WASF2: variants seen among roughly 807,000 people sequenced by gnomAD.
WASF2 encodes the protein WASP family member 2, also known as actin-binding protein WASF2.
A neutral mutation model predicts 45.0 loss-of-function variants in WASF2; 14 were observed. The ratio of observed to expected loss-of-function variants is 0.31; its 90% CI spans 0.21 to 0.49. The LOEUF (loss-of-function observed/expected upper bound fraction) is 0.49, where lower values mean the gene tolerates loss of function less well. WASF2 is among the 20% of genes least tolerant of loss of function. WASF2 has a pLI of 0.99. For synonymous variants in WASF2, 200 were observed against 236.3 expected (o/e 0.85, Z 1.41); for missense variants, 439 against 636.1 (o/e 0.69, Z 3.33).
intron 1 of WASF2, among the ~76,000 whole-genome samples, chr1:27,462,308 G>A (rs2017556850): frequency 1.3e-5 from 2 of 151,994 alleles, no homozygotes; most frequent in South Asian, 4.2e-4. Context: ...TTGATAATAG[G>A]TTGTAGACAT....
At chr1:27,467,631 C>T (rs972651358) in intron 1 of WASF2, among the ~76,000 whole-genome samples, 18 of 149,758 alleles carry the variant, frequency 1.2e-4, no homozygotes, top group Non-Finnish European at 2.2e-4. Flanking sequence ...AATGAATTTC[C>T]GGGGGGCGCA....
intron 8 of WASF2, among the ~76,000 whole-genome samples, chr1:27,408,679 TC>T: frequency 6.6e-6 from 1 of 152,170 alleles, no homozygotes; most frequent in Non-Finnish European, 1.5e-5. Flanking sequence ...ATAATGGGGC[TC>T]AGCTGCCATA....
Position 27,404,901 on chromosome 1 carries a change from C to A in WASF2, c.*3288G>T, listed in dbSNP as rs996964212. On this transcript the variant is annotated 3_prime_UTR_variant, in exon 9 of 9. Coordinates refer to ENST00000618852, the MANE Select transcript of WASF2 (RefSeq NM_006990.5). ...AGTTGGACCCCAGCAGGGCTCAAAG[C>A]CTGATGCCTCCAGGAAGCCTGACAT... is the stretch of plus-strand genomic sequence containing the variant. The A allele has an allele frequency of 6.6e-6, 1 of 152,392 alleles. No homozygotes were observed. The highest frequency in any genetic ancestry group is 2.1e-4 in the South Asian group (1 of 4,838). The allele number at this position is 152,392 out of a possible 1,614,324, so 9.4% of individuals were successfully genotyped here. A position where few individuals can be genotyped will look rare whatever the true frequency, so the allele number is the denominator to read the frequency against.
intron 1 of WASF2, among the ~76,000 whole-genome samples, chr1:27,462,393 T>G (rs2017557837): frequency 6.6e-6 from 1 of 152,230 alleles, no homozygotes. Flanking sequence ...CATTAGGAAA[T>G]TTAACAATAA....
intron 1 of WASF2, among the ~76,000 whole-genome samples, chr1:27,457,034 G>T (rs9438569): frequency 0.85 from 129,330 of 151,876 alleles, 55,574 homozygotes; most frequent in Admixed American, 0.92. Flanking sequence ...TGAGCCACCG[G>T]GTCCTGCCTG....
chr1:27,481,787 A>G (rs190182787), intron 1 of WASF2, among the ~76,000 whole-genome samples: 48 of 152,318 alleles, frequency 3.2e-4, no homozygotes, highest in Non-Finnish European at 4.3e-4. Flanking sequence ...CTTACAGCTG[A>G]GAGTACATCT....
chr1:27,412,308 G>A (rs2016771887), intron 7 of WASF2, among the ~76,000 whole-genome samples: 1 of 152,158 alleles, frequency 6.6e-6, no homozygotes, highest in South Asian at 2.1e-4. Context: ...CCAGGCTCAA[G>A]CGATCCTCCC....
chr1:27,416,176 C>G, intron 4 of WASF2, 74 bp from the exon 5 acceptor site: 1 of 1,297,508 alleles, frequency 7.7e-7, no homozygotes, highest in Non-Finnish European at 1.1e-6. Flanking sequence ...TTCCAAACAC[C>G]TACCAGTTAG....
chr1:27,461,908 C>T (rs2017550619), intron 1 of WASF2, among the ~76,000 whole-genome samples: 1 of 152,060 alleles, frequency 6.6e-6, no homozygotes, highest in African/African-American at 2.4e-5. Context: ...GTGATCCTCC[C>T]ACCTTGGCCT....
At chr1:27,485,957 G>A (rs1048118688) in intron 1 of WASF2, among the ~76,000 whole-genome samples, 10 of 152,160 alleles carry the variant, frequency 6.6e-5, no homozygotes, top group African/African-American at 1.9e-4. Context: ...TGATCTGCCC[G>A]CCTCGGCCTC....
chr1:27,422,618 CA>C (rs782035111), intron 2 of WASF2, among the ~76,000 whole-genome samples: 2,512 of 128,688 alleles, frequency 0.02, 60 homozygotes, highest in African/African-American at 0.07. Flanking sequence ...GACTCCGTCT[CA>C]AAAAAAAAAA....
intron 1 of WASF2, among the ~76,000 whole-genome samples, chr1:27,433,512 G>A (rs2017093493): frequency 6.6e-6 from 1 of 152,190 alleles, no homozygotes; most frequent in Non-Finnish European, 1.5e-5. Flanking sequence ...ACTGAATTAT[G>A]GAAGGACAAC....
chr1:27,456,119 G>A (rs1236449238), intron 1 of WASF2, among the ~76,000 whole-genome samples: 2 of 151,954 alleles, frequency 1.3e-5, no homozygotes, highest in Non-Finnish European at 2.9e-5. Flanking sequence ...TCAGAAGATC[G>A]AGACCATCCT....
rs1243308104 is a variant in WASF2, at chr1:27,410,624, C to A, written c.825-418G>T. Among the ~76,000 whole-genome samples, 1 of 152,180 alleles carries A rather than the reference C, an allele frequency of 6.6e-6. No homozygotes were observed. The highest frequency in any genetic ancestry group is 1.5e-5 in the Non-Finnish European group (1 of 68,028). On this transcript the variant is annotated intron_variant, in intron 7 of 8. Transcript: ENST00000618852. The surrounding 1 kb of genome is among the most constrained non-coding windows in gnomAD (Gnocchi z 4.2). ...GTTTAAGGGTGCATGCAAGAAAGAA[C>A]TGGAATAAAAATTCAAACACCACCC...
At chr1:27,486,134 G>A (rs1387121096) in intron 1 of WASF2, among the ~76,000 whole-genome samples, 1 of 147,270 alleles carries the variant, frequency 6.8e-6, no homozygotes, top group Non-Finnish European at 1.5e-5. Flanking sequence ...AATGACATAA[G>A]GCTAATGACA....
At chr1:27,423,462 G>A (rs1473103905) in intron 2 of WASF2, among the ~76,000 whole-genome samples, 3 of 152,152 alleles carry the variant, frequency 2.0e-5, no homozygotes, top group Non-Finnish European at 2.9e-5. Flanking sequence ...GATTACAGGC[G>A]TGAGCCACTG....
intron 1 of WASF2, among the ~76,000 whole-genome samples, chr1:27,487,196 G>A (rs916725922): frequency 6.8e-5 from 10 of 146,032 alleles, no homozygotes; most frequent in Non-Finnish European, 1.3e-4. Flanking sequence ...CGCCTCCCGG[G>A]TTCACACCAT....
At chr1:27,487,233 C>G (rs747745380) in intron 1 of WASF2, among the ~76,000 whole-genome samples, 7 of 145,264 alleles carry the variant, frequency 4.8e-5, no homozygotes, top group Non-Finnish European at 1.5e-5. Flanking sequence ...CCCGAGTAGC[C>G]GGGACTACAG....
rs1007543182 is a variant in WASF2, at chr1:27,418,460, G to A, written c.266-38C>T. 5 of 1,613,822 alleles carry A rather than the reference G, an allele frequency of 3.1e-6. No homozygotes were observed. In the African/African-American group the frequency reaches 5.3e-5, roughly 17 times the overall value. On this transcript the variant is annotated intron_variant, in intron 3 of 8. Coordinates refer to ENST00000618852, the MANE Select transcript of WASF2 (RefSeq NM_006990.5). Reference sequence around the variant, plus strand: ...GGAAGGCGTTAGAAAATGGACGACAGGCTATTTGAGCAAACACTGAGTCAC... The same window carrying A: ...GGAAGGCGTTAGAAAATGGACGACAAGCTATTTGAGCAAACACTGAGTCAC...
Sources: allele counts gnomAD v4.1 joint callset (sites outside exome capture counted in the v4.1 genomes callset), GRCh38; gene constraint gnomAD v4.1.1; non-coding constraint Gnocchi (gnomAD v3.1); transcripts MANE v1.5; gene names NCBI Gene and HGNC (gene_info 2026-07-23, HGNC 2026-07-21).